Variants in ENOX2 observed in about 807,000 individuals in gnomAD.
ENOX2 encodes ecto-NOX disulfide-thiol exchanger 2.
Under a neutral mutation model 45.0 loss-of-function variants are expected in ENOX2, and 36 were observed. The ratio of observed to expected loss-of-function variants is 0.80; its 90% CI spans 0.61 to 1.06. The LOEUF (loss-of-function observed/expected upper bound fraction) is 1.06, where lower values mean the gene tolerates loss of function less well. Ranked by LOEUF, ENOX2 falls within the 50% of genes least tolerant of loss-of-function variation. ENOX2 has a pLI of 0.00. For missense variants in ENOX2, 423 were observed against 462.5 expected, an observed-to-expected ratio of 0.91 and a Z score of 0.78; for synonymous variants, 174 against 152.3, an observed-to-expected ratio of 1.14 and a Z score of -1.05.
At chrX:130,671,260 T>C (rs1249194931) in intron 6 of ENOX2, among the ~76,000 whole-genome samples, 1 of 112,122 alleles carries the variant, frequency 8.9e-6, no homozygotes. Context: ...ACTAAAAATA[T>C]GGATAAAATA....
At chrX:130,695,274 G>A (rs1325020386) in intron 4 of ENOX2, among the ~76,000 whole-genome samples, 1 of 112,059 alleles carries the variant, frequency 8.9e-6, no homozygotes, top group Non-Finnish European at 1.9e-5. Flanking sequence ...CATTGTCACA[G>A]TGTTTTGGGG....
intron 3 of ENOX2, among the ~76,000 whole-genome samples, chrX:130,759,014 C>G (rs2039413041): frequency 9.0e-6 from 1 of 110,841 alleles, no homozygotes; most frequent in East Asian, 2.8e-4. Flanking sequence ...TCTGTTTATC[C>G]TCCTAACACG....
At chrX:130,739,477 T>A (rs150112383) in intron 3 of ENOX2, among the ~76,000 whole-genome samples, 6 of 112,764 alleles carry the variant, frequency 5.3e-5, no homozygotes, top group Admixed American at 2.8e-4. Flanking sequence ...ATCTTTAAGT[T>A]GAGGAACATC....
At chrX:130,846,529 G>A (rs1484798575) in intron 2 of ENOX2, among the ~76,000 whole-genome samples, 1 of 111,045 alleles carries the variant, frequency 9.0e-6, no homozygotes, top group Non-Finnish European at 1.9e-5. Context: ...TAGAGACGGG[G>A]TTTTTCCATG....
At chrX:130,756,854 A>G (rs2039366773) in intron 3 of ENOX2, among the ~76,000 whole-genome samples, 1 of 112,442 alleles carries the variant, frequency 8.9e-6, no homozygotes, top group African/African-American at 3.2e-5. Context: ...TTGTAGTACA[A>G]AAACTCTAAC....
At chrX:130,862,391 A>G (rs1023658744) in intron 2 of ENOX2, among the ~76,000 whole-genome samples, 1 of 111,239 alleles carries the variant, frequency 9.0e-6, no homozygotes, top group Non-Finnish European at 1.9e-5. Context: ...TCCCTTCTCA[A>G]TGAGGTTACA....
At chrX:130,850,843 A>C (rs990825423) in intron 2 of ENOX2, among the ~76,000 whole-genome samples, 6 of 112,134 alleles carry the variant, frequency 5.4e-5, no homozygotes, top group African/African-American at 1.9e-4. Context: ...GAGCAGGGAG[A>C]TCAAGAAGGC....
intron 2 of ENOX2, among the ~76,000 whole-genome samples, chrX:130,833,255 A>G (rs2077868858): frequency 9.0e-6 from 1 of 111,102 alleles, no homozygotes; most frequent in Non-Finnish European, 1.9e-5. Context: ...CCTTTTCTTC[A>G]ATTTCCCCAT....
intron 2 of ENOX2, among the ~76,000 whole-genome samples, chrX:130,863,806 C>T (rs751351539): frequency 2.7e-5 from 3 of 111,866 alleles, no homozygotes; most frequent in Non-Finnish European, 5.7e-5. Flanking sequence ...CAATTTCTTA[C>T]CAGTTTAGTC....
chrX:130,827,626 TAATA>T (rs1432168662), intron 2 of ENOX2, among the ~76,000 whole-genome samples: 2 of 111,890 alleles, frequency 1.8e-5, no homozygotes, highest in Non-Finnish European at 3.8e-5. Flanking sequence ...TAGTAGAACT[TAATA>T]AATATCTGTT....
chrX:130,835,600 G>A (rs2077916483), intron 2 of ENOX2, among the ~76,000 whole-genome samples: 1 of 111,385 alleles, frequency 9.0e-6, no homozygotes, highest in Non-Finnish European at 1.9e-5. Context: ...GCAGAAAGCA[G>A]CATAACATAT....
intron 3 of ENOX2, among the ~76,000 whole-genome samples, chrX:130,742,895 G>A (rs1315339571): frequency 1.8e-5 from 2 of 112,211 alleles, no homozygotes; most frequent in Non-Finnish European, 3.8e-5. Flanking sequence ...ACTGAGCAGA[G>A]GCTGGAGGCT....
intron 2 of ENOX2, among the ~76,000 whole-genome samples, chrX:130,850,078 C>A (rs771806722): frequency 5.4e-5 from 6 of 112,087 alleles, no homozygotes; most frequent in Non-Finnish European, 1.1e-4. Context: ...GTGAAATTTT[C>A]CTCACCTACA....
chrX:130,760,965 T>C (rs2039477090), intron 3 of ENOX2, among the ~76,000 whole-genome samples: 1 of 108,743 alleles, frequency 9.2e-6, no homozygotes, highest in Admixed American at 9.9e-5. Flanking sequence ...ATATGGTAGA[T>C]TACATTGATT....
intron 13 of ENOX2, among the ~76,000 whole-genome samples, chrX:130,629,700 A>C (rs1465176986): frequency 8.9e-6 from 1 of 112,337 alleles, no homozygotes; most frequent in African/African-American, 3.2e-5. Context: ...GAGATATCTT[A>C]AAAATATGCA....
intron 3 of ENOX2, among the ~76,000 whole-genome samples, chrX:130,777,636 T>TTA (rs1450243328): frequency 8.9e-6 from 1 of 111,773 alleles, no homozygotes; most frequent in East Asian, 2.8e-4. Context: ...TCCTAATGAC[T>TTA]TAAGTACAAT....
chrX:130,870,019 G>A (rs2148551035), intron 2 of ENOX2, among the ~76,000 whole-genome samples: 1 of 111,429 alleles, frequency 9.0e-6, no homozygotes, highest in Admixed American at 9.5e-5. Context: ...TGGTGAGTCT[G>A]TTCTTGCTCT....
intron 2 of ENOX2, among the ~76,000 whole-genome samples, chrX:130,896,818 A>C (rs927930765): frequency 1.8e-5 from 2 of 112,132 alleles, no homozygotes; most frequent in Admixed American, 9.4e-5. Flanking sequence ...TCTGTAAGGA[A>C]AATGAAGGGA....
At chrX:130,752,194 T>TTCCC (rs1569496989) in intron 3 of ENOX2, among the ~76,000 whole-genome samples, 1 of 108,962 alleles carries the variant, frequency 9.2e-6, no homozygotes, top group African/African-American at 3.3e-5. Context: ...CTTTCCTTCC[T>TTCCC]TCCCTCCCTC....
Sources: gnomAD v4.1 joint callset for allele counts (sites outside exome capture counted in the v4.1 genomes callset) on GRCh38, gnomAD v4.1.1 for gene constraint, MANE v1.5 for transcripts, NCBI Gene and HGNC (gene_info 2026-07-23, HGNC 2026-07-21) for gene names.